Variants in LRRC7 observed in about 807,000 individuals in gnomAD.
LRRC7 encodes the protein leucine-rich repeat-containing protein 7.
Under a neutral mutation model 175.7 loss-of-function variants are expected in LRRC7, and 23 were observed. The observed-to-expected ratio is 0.13, with a 90% CI of 0.09 to 0.19. The LOEUF is 0.19. LRRC7 is among the 10% of genes least tolerant of loss of function. The probability of loss-of-function intolerance (pLI) is 1.00; values close to 1 mark genes in which losing one functional copy is unlikely to be tolerated. For synonymous variants in LRRC7, 685 were observed against 680.9 expected, an observed-to-expected ratio of 1.01 and a Z score of -0.09; for missense variants, 1,354 against 1,904.7, an observed-to-expected ratio of 0.71 and a Z score of 5.38.
intron 7 of LRRC7, among the ~76,000 whole-genome samples, chr1:69,875,456 T>C (rs1685955965): frequency 6.6e-6 from 1 of 152,092 alleles, no homozygotes; most frequent in African/African-American, 2.4e-5. Context: ...TCTTTAAAAC[T>C]TAATCAGCAG....
chr1:69,677,906 G>A (rs1215326922), intron 1 of LRRC7, among the ~76,000 whole-genome samples: 2 of 151,952 alleles, frequency 1.3e-5, no homozygotes, highest in East Asian at 3.9e-4. Context: ...CTTGAAGACA[G>A]CTTCCTCCGT....
chr1:69,922,412 G>C (rs779281736), intron 7 of LRRC7, among the ~76,000 whole-genome samples: 1 of 151,998 alleles, frequency 6.6e-6, no homozygotes, highest in Non-Finnish European at 1.5e-5. Flanking sequence ...TCTCCTTTTT[G>C]TTCTCTAGCA....
At chr1:69,927,784 A>G (rs543773608) in intron 7 of LRRC7, among the ~76,000 whole-genome samples, 12 of 152,020 alleles carry the variant, frequency 7.9e-5, no homozygotes, top group African/African-American at 2.9e-4. Flanking sequence ...TAGTTTGATC[A>G]TCTGAAGCCT....
At chr1:69,873,049 T>C (rs1262814711) in intron 7 of LRRC7, among the ~76,000 whole-genome samples, 2 of 152,170 alleles carry the variant, frequency 1.3e-5, no homozygotes, top group Non-Finnish European at 2.9e-5. Context: ...CCATTTCTAT[T>C]ATGCCTTAAA....
chr1:69,777,200 A>G (rs930032335), intron 3 of LRRC7, among the ~76,000 whole-genome samples: 13 of 152,214 alleles, frequency 8.5e-5, no homozygotes, highest in African/African-American at 3.1e-4. Context: ...CCGGGCCCAC[A>G]GAGGCAGGGT....
intron 8 of LRRC7, among the ~76,000 whole-genome samples, chr1:69,969,519 A>T (rs944241877): frequency 6.6e-6 from 1 of 152,150 alleles, no homozygotes; most frequent in African/African-American, 2.4e-5. Context: ...CAACAGTATT[A>T]AAAAAAGAGA....
At chr1:69,931,373 C>T in intron 7 of LRRC7, 134 bp from the exon 8 acceptor site, 1 of 644,192 alleles carries the variant, frequency 1.6e-6, no homozygotes, top group Non-Finnish European at 2.8e-6. Flanking sequence ...TTGAGATTTA[C>T]TTGTTGCTGA....
intron 14 of LRRC7, 39 bp from the exon 15 acceptor site, chr1:70,018,680 C>T: frequency 1.4e-6 from 2 of 1,421,032 alleles, no homozygotes; most frequent in South Asian, 1.2e-5. Flanking sequence ...TATATATTTG[C>T]AATTGTATTC....
At chr1:69,733,280 T>C (rs1331640202) in intron 2 of LRRC7, among the ~76,000 whole-genome samples, 1 of 152,028 alleles carries the variant, frequency 6.6e-6, no homozygotes, top group African/African-American at 2.4e-5. Flanking sequence ...TGATGTTCCC[T>C]GTTAGACATG....
chr1:70,102,002 T>C (rs1664837666), intron 25 of LRRC7, among the ~76,000 whole-genome samples: 1 of 152,056 alleles, frequency 6.6e-6, no homozygotes, highest in Non-Finnish European at 1.5e-5. Flanking sequence ...CCTCTAGAGG[T>C]GGTGCTGAGG....
intron 1 of LRRC7, among the ~76,000 whole-genome samples, chr1:69,618,215 G>A (rs946044630): frequency 6.6e-6 from 1 of 152,112 alleles, no homozygotes; most frequent in Non-Finnish European, 1.5e-5. Flanking sequence ...TCTGATCGAA[G>A]CACTGGGGCT....
At chr1:69,660,965 A>G (rs1657382057) in intron 1 of LRRC7, among the ~76,000 whole-genome samples, 1 of 152,076 alleles carries the variant, frequency 6.6e-6, no homozygotes, top group Non-Finnish European at 1.5e-5. Flanking sequence ...TATTTAATAT[A>G]TTTACATTAA....
At chr1:69,733,606 C>T (rs948835655) in intron 2 of LRRC7, among the ~76,000 whole-genome samples, 1 of 151,938 alleles carries the variant, frequency 6.6e-6, no homozygotes, top group Non-Finnish European at 1.5e-5. Flanking sequence ...ATTGGGGCCT[C>T]TCCTGTTGTA....
At chr1:69,684,483 G>A (rs2100628576) in intron 2 of LRRC7, among the ~76,000 whole-genome samples, 1 of 152,238 alleles carries the variant, frequency 6.6e-6, no homozygotes, top group South Asian at 2.1e-4. Flanking sequence ...CCAAGCTTTT[G>A]ATTCTGGAAC....
rs1196182207 is a variant in LRRC7, at chr1:70,131,839, G to A, written c.*9952G>A. ...ACAAAAATAAATGAAAAATGAACTG[G>A]AAAAGTGAAATATTAATTGAGAGAG... On this transcript the variant is annotated 3_prime_UTR_variant, in exon 27 of 27. Coordinates refer to ENST00000651989, the MANE Select transcript of LRRC7 (RefSeq NM_001370785.2). Among the ~76,000 whole-genome samples, 1 of 152,096 alleles carries A rather than the reference G, an allele frequency of 6.6e-6. No individual in the cohort carries two copies. Among genetic ancestry groups the A allele is most frequent in the Non-Finnish European group, 1.5e-5 (1 of 68,028 alleles).
chr1:69,688,604 C>T (rs994568753), intron 2 of LRRC7, among the ~76,000 whole-genome samples: 1 of 150,690 alleles, frequency 6.6e-6, no homozygotes, highest in East Asian at 1.9e-4. Flanking sequence ...GGAAGAAATG[C>T]TATCTGTTTC....
At chr1:69,632,062 T>A (rs1201907573) in intron 1 of LRRC7, among the ~76,000 whole-genome samples, 1 of 152,164 alleles carries the variant, frequency 6.6e-6, no homozygotes, top group Non-Finnish European at 1.5e-5. Flanking sequence ...TCTCTCTGCA[T>A]CAGCCAGTCT....
intron 11 of LRRC7, among the ~76,000 whole-genome samples, chr1:70,007,574 T>C (rs1656099364): frequency 6.6e-6 from 1 of 152,144 alleles, no homozygotes; most frequent in Non-Finnish European, 1.5e-5. Context: ...AATTAAGGCT[T>C]ATTTTAATTT....
intron 4 of LRRC7, among the ~76,000 whole-genome samples, chr1:69,798,431 G>T (rs772470340): frequency 2.6e-5 from 4 of 151,992 alleles, no homozygotes; most frequent in Non-Finnish European, 5.9e-5. Flanking sequence ...TAAGTTAAGG[G>T]TCTCCCCTCT....
Sources: allele counts gnomAD v4.1 joint callset (sites outside exome capture counted in the v4.1 genomes callset), GRCh38; gene constraint gnomAD v4.1.1; transcripts MANE v1.5; gene names NCBI Gene and HGNC (gene_info 2026-07-23, HGNC 2026-07-21).